UNC79: variants seen among roughly 807,000 people sequenced by gnomAD.
UNC79 encodes unc-79 subunit of NALCN channel complex, also known as protein unc-79 homolog.
In UNC79, 37 loss-of-function variants were observed where a neutral mutation model predicts 283.1. The ratio of observed to expected loss-of-function variants is 0.13; its 90% CI spans 0.10 to 0.17. The LOEUF (loss-of-function observed/expected upper bound fraction) is 0.17, where lower values mean the gene tolerates loss of function less well. UNC79 is among the 10% of genes least tolerant of loss of function. The pLI is 1.00. For synonymous variants in UNC79, 1,107 were observed against 1,200.2 expected (o/e 0.92, Z 1.61); for missense variants, 2,272 against 3,211.1 (o/e 0.71, Z 7.07).
chr14:93,453,202 G>T (rs901769810), intron 1 of UNC79, among the ~76,000 whole-genome samples: 5 of 152,168 alleles, frequency 3.3e-5, no homozygotes, highest in African/African-American at 1.2e-4. Flanking sequence ...GGCTATCTGT[G>T]TCTTCTTATG....
chr14:93,400,626 C>T (rs545520841), intron 1 of UNC79, among the ~76,000 whole-genome samples: 2 of 152,140 alleles, frequency 1.3e-5, no homozygotes, highest in African/African-American at 2.4e-5. Flanking sequence ...GGCTTAATGA[C>T]GAGGAAGGCA....
intron 1 of UNC79, among the ~76,000 whole-genome samples, chr14:93,465,267 C>T (rs114573563): frequency 6.6e-6 from 1 of 152,086 alleles, no homozygotes; most frequent in Non-Finnish European, 1.5e-5. Flanking sequence ...TGTATACTCT[C>T]TATATATCCT....
chr14:93,342,699 T>A (rs1225491455), intron 1 of UNC79, among the ~76,000 whole-genome samples: 2 of 152,244 alleles, frequency 1.3e-5, no homozygotes, highest in African/African-American at 4.8e-5. Context: ...TTTCAGACCA[T>A]CCATTCATAA....
chr14:93,578,177 C>T (rs2063577035), intron 18 of UNC79, 114 bp downstream of exon 18: 2 of 1,022,290 alleles, frequency 2.0e-6, no homozygotes, highest in South Asian at 3.4e-5. Context: ...GATTCAGCAT[C>T]ACCCAAGACC....
chr14:93,686,766 G>A (rs375958359), intron 43 of UNC79, 105 bp downstream of exon 46: 22 of 1,267,940 alleles, frequency 1.7e-5, no homozygotes, highest in Middle Eastern at 2.4e-4. Context: ...GGAGGCAGCC[G>A]TGGCACTGTT....
At chr14:93,506,395 G>GT (rs1166923986) in intron 7 of UNC79, among the ~76,000 whole-genome samples, 1 of 151,900 alleles carries the variant, frequency 6.6e-6, no homozygotes, top group East Asian at 1.9e-4. Context: ...GCTAATTTTT[G>GT]TATTTTTAGT....
rs191854225 is a variant in UNC79, at chr14:93,395,090, A to C, written c.-351+61567A>C. On this transcript the variant is annotated intron_variant, in intron 1 of 49. Transcript: ENST00000256339. Reference sequence around the variant, plus strand: ...TATTGTCTTTTATATTTATCTATGTAATTACCTTTTCTGTGCTTTTTATTT... The same window carrying C: ...TATTGTCTTTTATATTTATCTATGTCATTACCTTTTCTGTGCTTTTTATTT... Among the ~76,000 whole-genome samples the C allele has an allele frequency of 1.5e-4, 23 of 152,258 alleles. No homozygotes were observed. In the East Asian group the frequency reaches 4.0e-3, roughly 27 times the overall value.
At chr14:93,497,088 A>G in intron 6 of UNC79, 69 bp from the exon 7 acceptor site, 1 of 1,524,618 alleles carries the variant, frequency 6.6e-7, no homozygotes, top group Non-Finnish European at 8.8e-7. Flanking sequence ...TGCTTTGGTA[A>G]TGTTGAAGTC....
intron 1 of UNC79, among the ~76,000 whole-genome samples, chr14:93,371,274 C>A (rs1224152123): frequency 6.6e-6 from 1 of 151,964 alleles, no homozygotes; most frequent in Non-Finnish European, 1.5e-5. Flanking sequence ...GAAGTCCCAG[C>A]TACTCGGGAG....
chr14:93,376,592 A>G (rs1387964713), intron 1 of UNC79, among the ~76,000 whole-genome samples: 2 of 152,166 alleles, frequency 1.3e-5, no homozygotes, highest in South Asian at 2.1e-4. Flanking sequence ...CAGTTCATGA[A>G]TTGAGCAGCA....
At position 93,542,457 on chromosome 14, in the gene UNC79, T is replaced by A; in HGVS notation, c.1525-9T>A. The A allele has an allele frequency of 1.2e-6, 2 of 1,610,680 alleles. No homozygotes were observed. The highest frequency in any genetic ancestry group is 1.7e-6 in the Non-Finnish European group (2 of 1,177,994). On this transcript the variant is annotated splice_polypyrimidine_tract_variant and intron_variant, in intron 13 of 48. Transcript: ENST00000555664. Reference sequence around the variant, plus strand: ...AAGCCGAACAAGGTTCTAATCTACCTACTTCTAGGTGAGCCTCTGCACACC... The same window carrying A: ...AAGCCGAACAAGGTTCTAATCTACCAACTTCTAGGTGAGCCTCTGCACACC...
chr14:93,354,967 C>T (rs572371486), intron 1 of UNC79, among the ~76,000 whole-genome samples: 1 of 151,670 alleles, frequency 6.6e-6, no homozygotes, highest in African/African-American at 2.4e-5. Flanking sequence ...CTAGTATGGT[C>T]ATTTCAGCCA....
chr14:93,370,594 A>G (rs920479678), intron 1 of UNC79, among the ~76,000 whole-genome samples: 1 of 152,122 alleles, frequency 6.6e-6, no homozygotes, highest in East Asian at 1.9e-4. Context: ...GACACGGTGA[A>G]ACCCCGTCTC....
intron 1 of UNC79, among the ~76,000 whole-genome samples, chr14:93,371,066 C>CCAAAA (rs1052317438): frequency 6.6e-6 from 1 of 151,872 alleles, no homozygotes; most frequent in East Asian, 1.9e-4. Context: ...CTGCCAAAAA[C>CCAAAA]CAAAACAAAA....
chr14:93,351,910 A>G (rs1416765680), intron 1 of UNC79, among the ~76,000 whole-genome samples: 3 of 152,212 alleles, frequency 2.0e-5, no homozygotes, highest in Non-Finnish European at 4.4e-5. Context: ...TTGAAGGACT[A>G]TCTTCTTTAT....
chr14:93,642,293 C>T (rs181266720), intron 33 of UNC79, among the ~76,000 whole-genome samples: 15 of 151,872 alleles, frequency 9.9e-5, no homozygotes, highest in Admixed American at 2.6e-4. Flanking sequence ...GGCCTGGTGG[C>T]GGGCACGTGT....
At chr14:93,696,122 T>C (rs992441263) in intron 47 of UNC79, among the ~76,000 whole-genome samples, 1 of 152,170 alleles carries the variant, frequency 6.6e-6, no homozygotes, top group Non-Finnish European at 1.5e-5. Context: ...TTAATCCATG[T>C]TATTGCATGT....
chr14:93,402,887 C>G (rs569663692), intron 1 of UNC79, among the ~76,000 whole-genome samples: 1 of 152,296 alleles, frequency 6.6e-6, no homozygotes, highest in South Asian at 2.1e-4. Flanking sequence ...ACCCATGACA[C>G]AGCCTCAAGA....
intron 14 of UNC79, among the ~76,000 whole-genome samples, chr14:93,552,217 G>T (rs2061935444): frequency 6.6e-6 from 1 of 152,192 alleles, no homozygotes; most frequent in African/African-American, 2.4e-5. Context: ...GTCTCCTGGT[G>T]TGTGAAATAT....
Sources: gnomAD v4.1 joint callset for allele counts (sites outside exome capture counted in the v4.1 genomes callset) on GRCh38, gnomAD v4.1.1 for gene constraint, MANE v1.5 for transcripts, NCBI Gene and HGNC (gene_info 2026-07-23, HGNC 2026-07-21) for gene names.